Variants in DSCAM observed in about 807,000 individuals in gnomAD.
The protein encoded by DSCAM is cell adhesion molecule DSCAM.
Under a neutral mutation model 217.7 loss-of-function variants are expected in DSCAM, and 47 were observed. The ratio of observed to expected loss-of-function variants is 0.22; its 90% CI spans 0.17 to 0.28. The LOEUF is 0.28. Among genes scored for constraint, DSCAM ranks in the 10% least tolerant of loss-of-function variants. DSCAM has a pLI of 1.00. For missense variants in DSCAM, 2,080 were observed against 2,618.3 expected (o/e 0.79, Z 4.49); for synonymous variants, 1,056 against 1,015.3 (o/e 1.04, Z -0.76).
chr21:40,645,039 A>G (rs1012072560), intron 3 of DSCAM, among the ~76,000 whole-genome samples: 1 of 152,254 alleles, frequency 6.6e-6, no homozygotes, highest in African/African-American at 2.4e-5. Context: ...TTTTGGCCAC[A>G]GAAGCATACA....
intron 20 of DSCAM, among the ~76,000 whole-genome samples, chr21:40,118,566 A>G (rs1163469388): frequency 1.3e-5 from 2 of 152,180 alleles, no homozygotes; most frequent in Non-Finnish European, 2.9e-5. Context: ...TAGCCTGGCG[A>G]CAGAGTGAAA....
chr21:40,488,993 G>C (rs1029784285), intron 3 of DSCAM, among the ~76,000 whole-genome samples: 6 of 152,128 alleles, frequency 3.9e-5, no homozygotes, highest in African/African-American at 1.4e-4. Flanking sequence ...AGAGGTCATG[G>C]GCACTATTCT....
chr21:40,600,670 C>G (rs2077055307), intron 3 of DSCAM, among the ~76,000 whole-genome samples: 1 of 152,090 alleles, frequency 6.6e-6, no homozygotes, highest in Admixed American at 6.6e-5. Context: ...ATATGTGGGT[C>G]TCTAATCAAT....
At chr21:40,454,887 C>T (rs905802692) in intron 3 of DSCAM, among the ~76,000 whole-genome samples, 2 of 152,178 alleles carry the variant, frequency 1.3e-5, no homozygotes, top group African/African-American at 4.8e-5. Flanking sequence ...ATCTCGACGT[C>T]CACAAGAATG....
chr21:40,754,169 G>T (rs1203416532), intron 1 of DSCAM, among the ~76,000 whole-genome samples: 1 of 152,154 alleles, frequency 6.6e-6, no homozygotes, highest in South Asian at 2.1e-4. Flanking sequence ...CCGTGTTTCT[G>T]CCAGCTCTGC....
chr21:40,311,649 T>G (rs1271707144), intron 9 of DSCAM, among the ~76,000 whole-genome samples: 1 of 152,202 alleles, frequency 6.6e-6, no homozygotes, highest in East Asian at 1.9e-4. Context: ...GAAAAGCTAT[T>G]TCATGGCTCT....
intron 1 of DSCAM, among the ~76,000 whole-genome samples, chr21:40,749,726 T>C (rs1022397204): frequency 1.3e-5 from 2 of 152,142 alleles, no homozygotes; most frequent in Admixed American, 6.5e-5. Flanking sequence ...TTACTGGATA[T>C]AGATCTAAAG....
At position 40,026,446 on chromosome 21, in the gene DSCAM, T is replaced by A. The variant is rs796743622; in HGVS notation, c.5687-13060A>T. Among the ~76,000 whole-genome samples the A allele has an allele frequency of 4.6e-4, 65 of 141,188 alleles. No individual in the cohort carries two copies. In the South Asian group the frequency reaches 0.016, roughly 34 times the overall value. 92.6% of individuals were successfully genotyped at this position (141,188 alleles called of 152,430 possible). ...TATCCTTGTTGACTTTCTGTCTCGT[T>A]GATCTGTCTAATGTTGACAGTGGGG... is the stretch of plus-strand genomic sequence containing the variant. On this transcript the variant is annotated intron_variant, in intron 32 of 32. Transcript: ENST00000400454.
rs184414050 is a variant in DSCAM at position 40,591,957 on chromosome 21, C to T, written c.508+100853G>A. The stretch of plus-strand genomic sequence containing the variant: ...GAAAGGGACAGGGTCTTACTTTGAC[C>T]TTAGCCAGGACTCTCCCCCATGGCC... On this transcript the variant is annotated intron_variant, in intron 3 of 32. Coordinates refer to ENST00000400454, the MANE Select transcript of DSCAM (RefSeq NM_001389.5). Among the ~76,000 whole-genome samples, 434 of 152,234 alleles carry T rather than the reference C, an allele frequency of 2.9e-3. 1 individual carries two copies. Among genetic ancestry groups the T allele is most frequent in the South Asian group, 8.9e-3 (43 of 4,822 alleles).
chr21:40,683,861 T>G (rs1012907970), intron 3 of DSCAM, among the ~76,000 whole-genome samples: 11 of 151,936 alleles, frequency 7.2e-5, no homozygotes, highest in African/African-American at 2.7e-4. Context: ...AGAAAAAGCT[T>G]GGGAAAGACC....
chr21:40,846,317 C>A lies in DSCAM; in HGVS notation c.43+302G>T, dbSNP rs1464901673. On this transcript the variant is annotated intron_variant, in intron 1 of 32. Transcript: ENST00000400454. Reference sequence around the variant, plus strand: ...CCTGTCTCTCCTTCTGTCACCAAACCTGGTTTATTCTGAATGAGGCAGCTC... The same window carrying A: ...CCTGTCTCTCCTTCTGTCACCAAACATGGTTTATTCTGAATGAGGCAGCTC... Among the ~76,000 whole-genome samples, 3 of 152,024 alleles carry A rather than the reference C, an allele frequency of 2.0e-5. No individual in the cohort carries two copies. The South Asian group carries it at 6.2e-4, about 32-fold the overall frequency.
chr21:40,405,817 C>G (rs147316861), intron 3 of DSCAM, among the ~76,000 whole-genome samples: 1 of 151,924 alleles, frequency 6.6e-6, no homozygotes, highest in Non-Finnish European at 1.5e-5. Context: ...GCTAACACAG[C>G]GAAACCCCGT....
intron 1 of DSCAM, among the ~76,000 whole-genome samples, chr21:40,744,622 A>C (rs1021411076): frequency 5.3e-5 from 8 of 152,210 alleles, no homozygotes; most frequent in African/African-American, 1.9e-4. Flanking sequence ...GGCAGTGATT[A>C]AGTCCCAATA....
chr21:40,371,057 G>A (rs1426314038), intron 3 of DSCAM, among the ~76,000 whole-genome samples: 7 of 152,134 alleles, frequency 4.6e-5, no homozygotes, highest in Non-Finnish European at 7.4e-5. Flanking sequence ...CTTTTCAAAG[G>A]AGCGCAAATT....
At chr21:40,187,458 A>G (rs74675745) in intron 13 of DSCAM, among the ~76,000 whole-genome samples, 199 bp from the exon 14 acceptor site, 2,984 of 152,328 alleles carry the variant, frequency 0.02, 69 homozygotes, top group East Asian at 0.077. Context: ...TCCAATTTTC[A>G]TAGCCCTTAA....
At chr21:40,405,291 C>A (rs1447335251) in intron 3 of DSCAM, among the ~76,000 whole-genome samples, 1 of 152,164 alleles carries the variant, frequency 6.6e-6, no homozygotes, top group Non-Finnish European at 1.5e-5. Context: ...CCCTCTGAGA[C>A]CTTGTGTATA....
intron 3 of DSCAM, among the ~76,000 whole-genome samples, chr21:40,637,656 T>A (rs1449298029): frequency 8.1e-6 from 1 of 124,150 alleles, no homozygotes; most frequent in African/African-American, 3.1e-5. Context: ...TATATCTATA[T>A]ATATATATAT....
intron 4 of DSCAM, among the ~76,000 whole-genome samples, chr21:40,362,042 G>A (rs1002601350): frequency 3.9e-5 from 6 of 152,146 alleles, no homozygotes; most frequent in South Asian, 2.1e-4. Context: ...TTGTCCTTGC[G>A]ATAGTTTACT....
chr21:40,764,950 G>T (rs1351232545), intron 1 of DSCAM, among the ~76,000 whole-genome samples: 1 of 151,946 alleles, frequency 6.6e-6, no homozygotes, highest in Non-Finnish European at 1.5e-5. Flanking sequence ...GGGCCTGTCA[G>T]GGGGTGGAGG....
Sources: gnomAD v4.1 joint callset for allele counts (sites outside exome capture counted in the v4.1 genomes callset) on GRCh38, gnomAD v4.1.1 for gene constraint, MANE v1.5 for transcripts, NCBI Gene and HGNC (gene_info 2026-07-23, HGNC 2026-07-21) for gene names.